XPO4: variants seen among roughly 807,000 people sequenced by gnomAD.
The protein encoded by XPO4 is exportin 4.
In XPO4, 39 loss-of-function variants were observed where a neutral mutation model predicts 143.0. The ratio of observed to expected loss-of-function variants is 0.27; its 90% confidence interval spans 0.21 to 0.36. The LOEUF (loss-of-function observed/expected upper bound fraction) is 0.36, where lower values mean the gene tolerates loss of function less well. Among genes scored for constraint, XPO4 ranks in the 10% least tolerant of loss-of-function variants. The pLI is 1.00. For missense variants in XPO4, 907 were observed against 1,348.0 expected, an observed-to-expected ratio of 0.67 and a Z score of 5.12; for synonymous variants, 439 against 474.0, an observed-to-expected ratio of 0.93 and a Z score of 0.96.
intron 12 of XPO4, 68 bp from the exon 13 acceptor site, chr13:20,807,702 G>T: frequency 1.6e-6 from 2 of 1,233,846 alleles, no homozygotes; most frequent in Non-Finnish European, 2.2e-6. Context: ...TACTATAAAT[G>T]TTTTCAGTTT....
At chr13:20,821,961 T>C (rs566018661) in intron 8 of XPO4, 83 bp from the exon 9 acceptor site, 70 of 1,411,544 alleles carry the variant, frequency 5.0e-5, no homozygotes, top group Non-Finnish European at 6.5e-5. Context: ...CAAGCAAATA[T>C]CGTTACTGAT....
intron 18 of XPO4, among the ~76,000 whole-genome samples, chr13:20,792,938 C>G (rs143218848): frequency 0.11 from 17,365 of 151,738 alleles, 1,368 homozygotes; most frequent in Middle Eastern, 0.19. Flanking sequence ...CAGGCATGCA[C>G]CACCATGCCC....
At chr13:20,831,540 T>A (rs1031426026) in intron 6 of XPO4, among the ~76,000 whole-genome samples, 5 of 152,130 alleles carry the variant, frequency 3.3e-5, no homozygotes, top group Non-Finnish European at 5.9e-5. Context: ...CAAATAAGAG[T>A]GTAATTCAAG....
intron 3 of XPO4, among the ~76,000 whole-genome samples, chr13:20,862,123 T>C (rs1269652502): frequency 6.6e-6 from 1 of 152,128 alleles, no homozygotes; most frequent in African/African-American, 2.4e-5. Context: ...ATATGTAACA[T>C]TTGATTTGTT....
intron 12 of XPO4, 111 bp downstream of exon 12, chr13:20,808,325 A>G: frequency 1.7e-6 from 2 of 1,204,046 alleles, no homozygotes; most frequent in Non-Finnish European, 2.2e-6. Context: ...GGCTGTATCC[A>G]AATTTTATCC....
At position 20,799,274 on chromosome 13, in the gene XPO4, G is replaced by A; in HGVS notation, c.2213C>T (p.Pro738Leu). 1 of 1,613,968 alleles carries A rather than the reference G, an allele frequency of 6.2e-7. No homozygotes were observed. The highest frequency in any genetic ancestry group is 8.5e-7 in the Non-Finnish European group (1 of 1,179,934). The change falls in exon 16 of 23, where the codon CCA becomes CTA. Residue 738 changes from proline (P) to leucine (L), a missense_variant. Pro to Leu is a moderately conservative substitution (Grantham distance 98). Transcript: ENST00000255305. ...NLAKQFASRS[P>L]PLNFLSSPVQ... is the part of the protein sequence containing the mutation. ...AGGACTTGACAAGAAATTAAGAGGTGGGCTTCGGCTTGCAAACTGCTTAGC... is the reference window on the plus strand; with the variant it reads ...AGGACTTGACAAGAAATTAAGAGGTAGGCTTCGGCTTGCAAACTGCTTAGC...
At chr13:20,818,062 G>A (rs1477427899) in intron 9 of XPO4, among the ~76,000 whole-genome samples, 1 of 152,016 alleles carries the variant, frequency 6.6e-6, no homozygotes, top group Non-Finnish European at 1.5e-5. Flanking sequence ...CCCAAGGTAC[G>A]GCCGTGAGCC....
rs138868895 is a variant in XPO4 at position 20,811,621 on chromosome 13, T to C, written c.1174-1654A>G. On this transcript the variant is annotated intron_variant, in intron 9 of 22. Coordinates refer to ENST00000255305, the MANE Select transcript of XPO4 (RefSeq NM_022459.5). ...TTCTTTAAAGGAAAATCAGACTGCT[T>C]ACACTGCAAAGTATAATGGTGCCAT... Among the ~76,000 whole-genome samples the C allele has an allele frequency of 2.5e-3, 377 of 152,154 alleles. 3 individuals carry two copies. Among genetic ancestry groups the C allele is most frequent in the African/African-American group, 8.7e-3 (362 of 41,516 alleles).
intron 6 of XPO4, among the ~76,000 whole-genome samples, chr13:20,839,184 C>T (rs2059948528): frequency 6.6e-6 from 1 of 152,082 alleles, no homozygotes; most frequent in Non-Finnish European, 1.5e-5. Flanking sequence ...GAATCGCCTG[C>T]ACCCAGAAGG....
In XPO4 at chr13:20,785,803, A is replaced by AGAAG. The variant is rs568871136; in HGVS notation, c.3258+1158_3258+1161dup. 7.6e-4 allele frequency among the ~76,000 whole-genome samples: 107 copies of AGAAG among 141,572 alleles called. 1 individual carries two copies. Among genetic ancestry groups the AGAAG allele is most frequent in the African/African-American group, 2.7e-3 (107 of 39,062 alleles). 92.9% of individuals were successfully genotyped at this position (141,572 alleles called of 152,430 possible). A position where few individuals can be genotyped will look rare whatever the true frequency, so the allele number is the denominator to read the frequency against. ...GAGGGAGAGAGAGAAATAAAGGAAG[A>AGAAG]GAAGGAAGGAAGGAAGAAAGGAAGG... On this transcript the variant is annotated intron_variant, in intron 22 of 22. Coordinates refer to ENST00000255305, the MANE Select transcript of XPO4 (RefSeq NM_022459.5).
chr13:20,845,598 T>G (rs2060022103), intron 4 of XPO4, among the ~76,000 whole-genome samples: 1 of 152,244 alleles, frequency 6.6e-6, no homozygotes, highest in African/African-American at 2.4e-5. Context: ...CATTTTACTG[T>G]TTAAAGCGAT....
intron 6 of XPO4, among the ~76,000 whole-genome samples, chr13:20,830,595 C>T (rs2059840673): frequency 6.6e-6 from 1 of 152,056 alleles, no homozygotes; most frequent in African/African-American, 2.4e-5. Flanking sequence ...TCATATCCCA[C>T]TCTACTAAAA....
At chr13:20,845,145 C>T (rs940324435) in intron 4 of XPO4, among the ~76,000 whole-genome samples, 1 of 152,244 alleles carries the variant, frequency 6.6e-6, no homozygotes, top group Non-Finnish European at 1.5e-5. Context: ...ACACTCCAGC[C>T]TGGGCAACAG....
At chr13:20,788,664 T>G (rs1330362757) in intron 19 of XPO4, 48 bp from the exon 20 acceptor site, 1 of 1,482,580 alleles carries the variant, frequency 6.7e-7, no homozygotes. Flanking sequence ...GTATCCAATT[T>G]CTATTTTCAT....
intron 3 of XPO4, chr13:20,856,825 T>C (rs1281512954): frequency 1.0e-6 from 1 of 984,882 alleles, no homozygotes; most frequent in Non-Finnish European, 1.2e-6. Context: ...TGAACTTCTA[T>C]TCCCTCTCCC....
At chr13:20,877,445 A>G (rs1856591005) in intron 1 of XPO4, among the ~76,000 whole-genome samples, 1 of 152,232 alleles carries the variant, frequency 6.6e-6, no homozygotes, top group Admixed American at 6.5e-5. Flanking sequence ...TGACTCAGCT[A>G]GAAACACTCT....
At chr13:20,884,432 A>G (rs187663870) in intron 1 of XPO4, among the ~76,000 whole-genome samples, 169 of 151,962 alleles carry the variant, frequency 1.1e-3, no homozygotes, top group African/African-American at 3.9e-3. Flanking sequence ...ATCCAATCCA[A>G]TCCAATCCAA....
chr13:20,866,808 T>C (rs1290252968), intron 2 of XPO4, among the ~76,000 whole-genome samples: 2 of 152,192 alleles, frequency 1.3e-5, no homozygotes. Context: ...TCATAAAATA[T>C]ACATATTCTA....
At position 20,788,544 on chromosome 13, in the gene XPO4, G is replaced by C. The variant is rs200448654; in HGVS notation, c.2989C>G (p.Gln997Glu). The C allele has an allele frequency of 6.2e-7, 1 of 1,613,238 alleles. No homozygotes were observed. Among genetic ancestry groups the C allele is most frequent in the Non-Finnish European group, 8.5e-7 (1 of 1,179,596 alleles). ...CTTTTAAACAGATCCTCAGGAAGCT[G>C]TGGTATTTTTTCAGGAAAAATCTCA... ...ICEIFPEKIP[Q>E]LPEDLFKSLM... Residue 997 changes from glutamine (Q) to glutamate (E), a missense_variant, in exon 20 of 23, where the codon CAG becomes GAG. Physicochemically the swap from Gln to Glu is conservative, Grantham distance 29. Coordinates refer to ENST00000255305, the MANE Select transcript of XPO4 (RefSeq NM_022459.5).
Sources: gnomAD v4.1 joint callset for allele counts (sites outside exome capture counted in the v4.1 genomes callset) on GRCh38, gnomAD v4.1.1 for gene constraint, MANE v1.5 for transcripts, NCBI Gene and HGNC (gene_info 2026-07-23, HGNC 2026-07-21) for gene names.